Variants in CYRIA observed in about 807,000 individuals in gnomAD.
The protein encoded by CYRIA is CYFIP related Rac1 interactor A, also known as CYFIP-related Rac1 interactor A.
Under a neutral mutation model 43.9 loss-of-function variants are expected in CYRIA, and 15 were observed. The observed-to-expected ratio is 0.34, with a 90% CI of 0.23 to 0.53. The LOEUF (loss-of-function observed/expected upper bound fraction) is 0.53. CYRIA is among the 20% of genes least tolerant of loss of function. The probability of loss-of-function intolerance (pLI) is 0.94; values close to 1 mark genes in which losing one functional copy is unlikely to be tolerated. For synonymous variants in CYRIA, 117 were observed against 136.0 expected (o/e 0.86, Z 0.97); for missense variants, 236 against 394.2 (o/e 0.60, Z 3.40).
intron 2 of CYRIA, among the ~76,000 whole-genome samples, chr2:16,618,465 C>A (rs567036700): frequency 1.4e-4 from 22 of 152,296 alleles, no homozygotes; most frequent in African/African-American, 4.6e-4. Context: ...TTGTCCCCAG[C>A]CCAGCCCATT....
At chr2:16,632,173 C>T (rs971721475) in intron 1 of CYRIA, among the ~76,000 whole-genome samples, 4 of 152,228 alleles carry the variant, frequency 2.6e-5, no homozygotes, top group Admixed American at 1.3e-4. Context: ...TGGCAAGTGA[C>T]TTGCCCCATG....
intron 1 of CYRIA, among the ~76,000 whole-genome samples, chr2:16,654,333 G>A (rs887551279): frequency 2.0e-5 from 3 of 152,212 alleles, no homozygotes; most frequent in African/African-American, 7.2e-5. Context: ...CATGGTCAAA[G>A]TTTGTTAAGT....
At chr2:16,560,124 C>T (rs1167375123) in intron 9 of CYRIA, among the ~76,000 whole-genome samples, 1 of 152,164 alleles carries the variant, frequency 6.6e-6, no homozygotes, top group Non-Finnish European at 1.5e-5. Flanking sequence ...CTTACCTTGA[C>T]AGGGTCACTG....
chr2:16,561,091 A>G (rs375174878), intron 8 of CYRIA, 22 bp from the exon 9 acceptor site: 62 of 1,612,182 alleles, frequency 3.8e-5, no homozygotes, highest in Non-Finnish European at 5.1e-5. Flanking sequence ...ACACAAATGT[A>G]CATTAGTCCT....
At chr2:16,636,182 C>T (rs1669492566) in intron 1 of CYRIA, among the ~76,000 whole-genome samples, 1 of 152,164 alleles carries the variant, frequency 6.6e-6, no homozygotes, top group Non-Finnish European at 1.5e-5. Context: ...AGTTCTCACA[C>T]TGAGAGTGGC....
chr2:16,606,846 C>G (rs1668416557), intron 2 of CYRIA, among the ~76,000 whole-genome samples: 1 of 151,922 alleles, frequency 6.6e-6, no homozygotes, highest in Non-Finnish European at 1.5e-5. Context: ...CATCTGGGTA[C>G]CAAAGGAGGC....
At chr2:16,612,778 ATGGAACT>A (rs1387035614) in intron 2 of CYRIA, among the ~76,000 whole-genome samples, 2 of 152,218 alleles carry the variant, frequency 1.3e-5, no homozygotes, top group African/African-American at 4.8e-5. Context: ...TGCTCATTTT[ATGGAACT>A]TCTTGATATG....
chr2:16,661,835 C>A (rs1324195947), intron 1 of CYRIA, among the ~76,000 whole-genome samples: 1 of 152,108 alleles, frequency 6.6e-6, no homozygotes, highest in Non-Finnish European at 1.5e-5. Context: ...AGACACGAGG[C>A]AAGGGACTTT....
chr2:16,661,504 T>A (rs755113822), intron 1 of CYRIA, among the ~76,000 whole-genome samples: 7 of 152,218 alleles, frequency 4.6e-5, no homozygotes, highest in Non-Finnish European at 8.8e-5. Context: ...TCTAGCATCA[T>A]CAAACATTTT....
Position 16,604,584 on chromosome 2 carries a change from T to A in CYRIA, c.-10-16455A>T, listed in dbSNP as rs1222168803. On this transcript the variant is annotated intron_variant, in intron 2 of 11. Transcript: ENST00000381323. ...AAACAAACTACCCACTTCCATTTAA[T>A]CATCAGCTTACAATATATCAATAGG... Among the ~76,000 whole-genome samples the A allele has an allele frequency of 2.6e-5, 4 of 152,352 alleles. No homozygotes were observed. The South Asian group carries it at 6.2e-4, about 24-fold the overall frequency.
Position 16,562,089 on chromosome 2 carries a change from T to G in CYRIA, c.351A>C (p.Pro117=), listed in dbSNP as rs766235281. 25 of 1,613,536 alleles carry G rather than the reference T, an allele frequency of 1.5e-5. No individual in the cohort carries two copies. The highest frequency in any genetic ancestry group is 2.0e-5 in the Non-Finnish European group (24 of 1,179,594). The change falls in exon 6 of 12, where the codon CCA becomes CCC. Residue 117 remains proline (P), a synonymous_variant. Transcript: ENST00000381323. ...CCTGTTCCCTTTCCAGGTGTTGGGT[T>G]GGTGTGTAGGGTGGACAAGTCAGAG... The part of the protein sequence containing the change: ...LESLTCPPYT[P]TQHLEREQAL...
chr2:16,656,136 G>T (rs1456954480), intron 1 of CYRIA, among the ~76,000 whole-genome samples: 2 of 151,970 alleles, frequency 1.3e-5, no homozygotes, highest in Non-Finnish European at 2.9e-5. Flanking sequence ...GGAATGAAAA[G>T]GATTCCCCCA....
At chr2:16,586,634 C>G (rs770427668) in intron 3 of CYRIA, among the ~76,000 whole-genome samples, 1 of 131,904 alleles carries the variant, frequency 7.6e-6, no homozygotes, top group Non-Finnish European at 1.6e-5. Context: ...CTATTTAAAA[C>G]CTGCCAAAGA....
chr2:16,555,043 T>G, intron 11 of CYRIA, 26 bp downstream of exon 11: 1 of 1,605,306 alleles, frequency 6.2e-7, no homozygotes, highest in Non-Finnish European at 8.5e-7. Flanking sequence ...CTGTTCCCTG[T>G]GAGCTGACAC....
intron 1 of CYRIA, among the ~76,000 whole-genome samples, chr2:16,635,909 T>C (rs993000956): frequency 6.6e-6 from 1 of 152,140 alleles, no homozygotes; most frequent in Admixed American, 6.5e-5. Flanking sequence ...TCTGTACCAC[T>C]TGGGATTGAA....
At chr2:16,641,378 C>G (rs1669671807) in intron 1 of CYRIA, among the ~76,000 whole-genome samples, 1 of 152,138 alleles carries the variant, frequency 6.6e-6, no homozygotes, top group South Asian at 2.1e-4. Context: ...TGCCCTTACT[C>G]CTATATGCCC....
chr2:16,660,216 A>G (rs936475699), intron 1 of CYRIA, among the ~76,000 whole-genome samples: 27 of 152,216 alleles, frequency 1.8e-4, no homozygotes, highest in African/African-American at 6.3e-4. Context: ...CAAGTCATCA[A>G]ATCCAGTCTT....
chr2:16,579,119 T>G (rs1207311484), intron 3 of CYRIA, among the ~76,000 whole-genome samples: 11 of 152,060 alleles, frequency 7.2e-5, no homozygotes, highest in Non-Finnish European at 1.5e-5. Context: ...TTCAAGTGCT[T>G]TAAGAAAAAC....
intron 2 of CYRIA, among the ~76,000 whole-genome samples, chr2:16,610,474 T>C (rs1668552069): frequency 6.6e-6 from 1 of 152,208 alleles, no homozygotes; most frequent in South Asian, 2.1e-4. Context: ...CTAATTAACT[T>C]ATTAGCACAT....
Sources: allele counts gnomAD v4.1 joint callset (sites outside exome capture counted in the v4.1 genomes callset), GRCh38; gene constraint gnomAD v4.1.1; transcripts MANE v1.5; gene names NCBI Gene and HGNC (gene_info 2026-07-23, HGNC 2026-07-21).